The following TNRC18 variants were observed in gnomAD, a reference collection of about 807,000 sequenced individuals.
The protein encoded by TNRC18 is trinucleotide repeat-containing gene 18 protein.
A neutral mutation model predicts 226.7 loss-of-function variants in TNRC18; 69 were observed. That is an observed-to-expected ratio of 0.30 (90% CI 0.25 to 0.37). The LOEUF (loss-of-function observed/expected upper bound fraction) is 0.37. TNRC18 is among the 10% of genes least tolerant of loss of function. The probability of loss-of-function intolerance (pLI) is 1.00; values close to 1 mark genes in which losing one functional copy is unlikely to be tolerated. For missense variants in TNRC18, 4,754 were observed against 4,256.6 expected (o/e 1.12, Z -3.25); for synonymous variants, 2,449 against 1,927.6 (o/e 1.27, Z -7.09).
chr7:5,406,449 G>A (rs975333687), intron 2 of TNRC18, among the ~76,000 whole-genome samples: 2 of 151,982 alleles, frequency 1.3e-5, no homozygotes, highest in Admixed American at 6.6e-5. Flanking sequence ...GTAATAGAGC[G>A]AGACTCTGTC....
At chr7:5,369,579 G>A (rs1457289040) in intron 11 of TNRC18, among the ~76,000 whole-genome samples, 3 of 152,092 alleles carry the variant, frequency 2.0e-5, no homozygotes, top group Non-Finnish European at 4.4e-5. Flanking sequence ...GAGGGAAGGA[G>A]GGAAGGAGGG....
rs759455385 is a variant in TNRC18, at chr7:5,312,813, G to A, written c.8078C>T (p.Pro2693Leu). 14 of 1,532,534 alleles carry A rather than the reference G, an allele frequency of 9.1e-6. No homozygotes were observed. The highest frequency in any genetic ancestry group is 1.2e-5 in the Non-Finnish European group (14 of 1,143,618). The allele number at this position is 1,532,534 out of a possible 1,614,324, so 94.9% of individuals were successfully genotyped here. Residue 2693 changes from proline (P) to leucine (L), a missense_variant, in exon 27 of 30, where the codon CCT (proline) becomes CTT (leucine). By Grantham distance (98) the Pro-to-Leu change is moderately conservative (BLOSUM62 -3). Coordinates refer to ENST00000430969, the MANE Select transcript of TNRC18 (RefSeq NM_001080495.3). This position sits in a 1 kb window ranked among gnomAD's most constrained non-coding sequence, Gnocchi z 6.3. ...GGTGGGGAGCGCCGCCTGCGCGGAA[G>A]GGCCAGCCGTGGGGGCGGGGGCTGC... The part of the protein sequence containing the change: ...DEAAPAPTAG[P>L]SAQAALPTKA...
chr7:5,377,432 G>A lies in TNRC18; in HGVS notation c.2400C>T (p.Ala800=), dbSNP rs1779065959. Residue 800 remains alanine, a synonymous_variant, in exon 7 of 30, where the codon GCC becomes GCT. Transcript: ENST00000430969. The surrounding 1 kb of genome is among the most constrained non-coding windows in gnomAD (Gnocchi z 5.8). ...RWSADPAAHL[A]THPWLPRSGN... Reference sequence around the variant, plus strand: ...CCGAGCGGGGCAACCAGGGGTGCGTGGCCAGATGGGCTGCGGGGTCGGCAG... The same window carrying A: ...CCGAGCGGGGCAACCAGGGGTGCGTAGCCAGATGGGCTGCGGGGTCGGCAG... The A allele has an allele frequency of 1.9e-6, 3 of 1,594,540 alleles. No homozygotes were observed. In the African/African-American group the frequency reaches 4.0e-5, roughly 21 times the overall value.
At position 5,370,598 on chromosome 7, in the gene TNRC18, C is replaced by G; in HGVS notation, c.3996G>C (p.Leu1332=). The part of the protein sequence containing the change: ...FLEEASSDQF[L]PSLEDPLAGM... Reference sequence around the variant, plus strand: ...CAGCCAGTGGGTCCTCCAGACTGGGCAGGAACTGGTCAGAGCTTGCCTCTT... The same window carrying G: ...CAGCCAGTGGGTCCTCCAGACTGGGGAGGAACTGGTCAGAGCTTGCCTCTT... The change falls in exon 11 of 30, where the codon CTG becomes CTC. Residue 1332 remains leucine, a synonymous_variant. Coordinates refer to ENST00000430969, the MANE Select transcript of TNRC18 (RefSeq NM_001080495.3). The G allele has an allele frequency of 2.5e-6, 4 of 1,613,326 alleles. No homozygotes were observed. Among genetic ancestry groups the G allele is most frequent in the Non-Finnish European group, 3.4e-6 (4 of 1,179,754 alleles).
chr7:5,351,939 C>T lies in TNRC18; in HGVS notation c.5350G>A (p.Ala1784Thr). Reference sequence around the variant, plus strand: ...GGCTTGGGTTTCAGAGTCCGGGGGGCCGCCAGGCCCCTCTTGGTCAGCTTG... The same window carrying T: ...GGCTTGGGTTTCAGAGTCCGGGGGGTCGCCAGGCCCCTCTTGGTCAGCTTG... ...GPKLTKRGLA[A>T]PRTLKPKPAT... The change falls in exon 17 of 30, where the codon GCC becomes ACC. Residue 1784 changes from alanine (A) to threonine (T), a missense_variant. Physicochemically the swap from Ala to Thr is moderately conservative, Grantham distance 58. Coordinates refer to ENST00000430969, the MANE Select transcript of TNRC18 (RefSeq NM_001080495.3). 1 of 1,613,754 alleles carries T rather than the reference C, an allele frequency of 6.2e-7. No homozygotes were observed. The highest frequency in any genetic ancestry group is 8.5e-7 in the Non-Finnish European group (1 of 1,179,820).
intron 18 of TNRC18, among the ~76,000 whole-genome samples, chr7:5,342,659 C>T (rs1413322800): frequency 6.6e-6 from 1 of 152,172 alleles, no homozygotes; most frequent in Non-Finnish European, 1.5e-5. Flanking sequence ...CTTGAGATGG[C>T]ATCTACTCCT....
intron 15 of TNRC18, among the ~76,000 whole-genome samples, chr7:5,358,006 G>A (rs1053895569): frequency 6.6e-6 from 1 of 152,128 alleles, no homozygotes; most frequent in Non-Finnish European, 1.5e-5. Context: ...TGCTGCTGCC[G>A]ATGGCCTGAA....
At chr7:5,320,228 T>C in intron 24 of TNRC18, 90 bp downstream of exon 24, 1 of 1,014,700 alleles carries the variant, frequency 9.9e-7, no homozygotes, top group Non-Finnish European at 1.5e-6. Context: ...GTCTTTATTC[T>C]TAAGCCAGTT....
chr7:5,315,242 GC>G, intron 25 of TNRC18, 94 bp from the exon 26 acceptor site: 1 of 1,382,016 alleles, frequency 7.2e-7, no homozygotes, highest in Non-Finnish European at 9.6e-7. Context: ...AGGGATGGGG[GC>G]GGAAGCAACC....
chr7:5,328,281 G>A (rs947417358), intron 19 of TNRC18, among the ~76,000 whole-genome samples: 9 of 152,200 alleles, frequency 5.9e-5, no homozygotes, highest in South Asian at 2.1e-4. Context: ...CCAACGCTTC[G>A]GGAGGCCAAG....
chr7:5,378,663 C>T (rs1193274788), intron 5 of TNRC18, among the ~76,000 whole-genome samples: 1 of 151,852 alleles, frequency 6.6e-6, no homozygotes, highest in Non-Finnish European at 1.5e-5. Context: ...CGTGATCCAC[C>T]CACCTCAGCC....
intron 29 of TNRC18, 71 bp from the exon 30 acceptor site, chr7:5,308,383 A>T (rs1786795281): frequency 7.0e-7 from 1 of 1,436,274 alleles, no homozygotes; most frequent in African/African-American, 1.5e-5. Context: ...AGGGAGCCAC[A>T]GGGACAGAGA....
chr7:5,366,580 T>TC (rs1352228255), intron 11 of TNRC18, among the ~76,000 whole-genome samples: 1 of 152,074 alleles, frequency 6.6e-6, no homozygotes, highest in African/African-American at 2.4e-5. Context: ...TGCCTTGGCC[T>TC]CCCAAAGTGC....
chr7:5,375,369 C>A (rs1437252165), intron 9 of TNRC18, among the ~76,000 whole-genome samples: 1 of 152,022 alleles, frequency 6.6e-6, no homozygotes, highest in Non-Finnish European at 1.5e-5. Context: ...CAAGGACAGG[C>A]CGCTCTCCCG....
Position 5,376,015 on chromosome 7 carries a change from C to A in TNRC18, c.2799+19G>T. On this transcript the variant is annotated intron_variant, in intron 9 of 29. Coordinates refer to ENST00000430969, the MANE Select transcript of TNRC18 (RefSeq NM_001080495.3). ...TGGGGGCCCCCAGAGGGAGCTGCGCCTCATCCTCCCCGACTTACCACGAGC... is the reference window on the plus strand; with the variant it reads ...TGGGGGCCCCCAGAGGGAGCTGCGCATCATCCTCCCCGACTTACCACGAGC... The A allele has an allele frequency of 3.8e-6, 6 of 1,576,822 alleles. No individual in the cohort carries two copies. The highest frequency in any genetic ancestry group is 5.2e-6 in the Non-Finnish European group (6 of 1,163,378).
At chr7:5,384,890 A>G (rs977899824) in intron 5 of TNRC18, among the ~76,000 whole-genome samples, 30 of 152,240 alleles carry the variant, frequency 2.0e-4, no homozygotes, top group African/African-American at 7.0e-4. Flanking sequence ...CAGTCAGTCA[A>G]CAAACACTCA....
intron 2 of TNRC18, among the ~76,000 whole-genome samples, chr7:5,396,756 G>A (rs1031708486): frequency 2.6e-5 from 4 of 152,090 alleles, no homozygotes; most frequent in Non-Finnish European, 4.4e-5. Context: ...TGTTTACAGG[G>A]GGCATGGATA....
chr7:5,322,640 C>T (rs1032656513), intron 21 of TNRC18, among the ~76,000 whole-genome samples: 6 of 152,232 alleles, frequency 3.9e-5, no homozygotes, highest in Admixed American at 2.6e-4. Flanking sequence ...GAAATGAATG[C>T]CCGGGGGCAA....
rs1191866603 is a variant in TNRC18, at chr7:5,420,946, C to T, written c.187+114G>A. ...TGGGAGCCGAGTCTGCCCGCACCCCCGTGGCCGACCGAAGGAGAGTCGCCG... is the reference window on the plus strand; with the variant it reads ...TGGGAGCCGAGTCTGCCCGCACCCCTGTGGCCGACCGAAGGAGAGTCGCCG... On this transcript the variant is annotated intron_variant, in intron 2 of 29. Transcript: ENST00000430969. 3.0e-6 allele frequency: 4 copies of T among 1,334,622 alleles called. No individual in the cohort carries two copies. The East Asian group carries it at 1.0e-4, about 34-fold the overall frequency. The allele number at this position is 1,334,622 out of a possible 1,614,324, so 82.7% of individuals were successfully genotyped here.
Sources: allele counts gnomAD v4.1 joint callset (sites outside exome capture counted in the v4.1 genomes callset), GRCh38; gene constraint gnomAD v4.1.1; non-coding constraint Gnocchi (gnomAD v3.1); transcripts MANE v1.5; gene names NCBI Gene and HGNC (gene_info 2026-07-23, HGNC 2026-07-21).